RBPMS: variants seen among roughly 807,000 people sequenced by gnomAD.
The protein encoded by RBPMS is RNA binding protein, mRNA processing factor.
Under a neutral mutation model 26.8 loss-of-function variants are expected in RBPMS, and 7 were observed. The observed-to-expected ratio is 0.26, with a 90% CI of 0.15 to 0.49. The LOEUF (loss-of-function observed/expected upper bound fraction) is 0.49, where lower values mean the gene tolerates loss of function less well. Among genes scored for constraint, RBPMS ranks in the 20% least tolerant of loss-of-function variants. The pLI, the probability that RBPMS is intolerant of heterozygous loss-of-function variation, is 0.98. For synonymous variants in RBPMS, 96 were observed against 93.3 expected (o/e 1.03, Z -0.17); for missense variants, 186 against 250.0 (o/e 0.74, Z 1.73).
intron 5 of RBPMS, among the ~76,000 whole-genome samples, chr8:30,516,533 A>G (rs1585730900): frequency 6.6e-6 from 1 of 152,006 alleles, no homozygotes; most frequent in East Asian, 1.9e-4. Context: ...TTCATATAGT[A>G]CCTCCTTGGG....
At position 30,526,315 on chromosome 8, in the gene RBPMS, T is replaced by C. The variant is rs189263994; in HGVS notation, c.398-18179T>C. 5.3e-4 allele frequency among the ~76,000 whole-genome samples: 81 copies of C among 152,354 alleles called. 1 individual carries two copies. Among genetic ancestry groups the C allele is most frequent in the African/African-American group, 1.8e-3 (75 of 41,580 alleles). Reference sequence around the variant, plus strand: ...TTTAATCCCTTTACAAATTAGCTGCTTGTCCTTCAGAAGTCACCTTAACCA... The same window carrying C: ...TTTAATCCCTTTACAAATTAGCTGCCTGTCCTTCAGAAGTCACCTTAACCA... On this transcript the variant is annotated intron_variant, in intron 5 of 8. Coordinates refer to ENST00000397323, the MANE Select transcript of RBPMS (RefSeq NM_001008710.3).
intron 5 of RBPMS, among the ~76,000 whole-genome samples, chr8:30,540,865 A>T (rs1246026297): frequency 6.6e-6 from 1 of 152,218 alleles, no homozygotes. Flanking sequence ...CCTTGATGAA[A>T]GAATGAATGA....
At chr8:30,557,862 TTTTTG>T (rs1243313029) in intron 6 of RBPMS, among the ~76,000 whole-genome samples, 4 of 152,132 alleles carry the variant, frequency 2.6e-5, no homozygotes, top group South Asian at 4.1e-4. Context: ...TTTTGGGTGT[TTTTTG>T]TTTTGTTTCT....
intron 1 of RBPMS, among the ~76,000 whole-genome samples, chr8:30,451,529 A>G (rs1563331493): frequency 6.6e-6 from 1 of 152,138 alleles, no homozygotes; most frequent in African/African-American, 2.4e-5. Context: ...TATTATCTCC[A>G]CTGTCCCCTG....
chr8:30,413,613 C>T (rs1809711257), intron 1 of RBPMS, among the ~76,000 whole-genome samples: 1 of 151,848 alleles, frequency 6.6e-6, no homozygotes, highest in East Asian at 1.9e-4. Flanking sequence ...AATGTTAGAA[C>T]ATTATTTCTT....
chr8:30,497,602 T>C (rs1820110589), intron 4 of RBPMS, among the ~76,000 whole-genome samples: 1 of 151,802 alleles, frequency 6.6e-6, no homozygotes, highest in African/African-American at 2.4e-5. Flanking sequence ...AAAATGGTTT[T>C]TTTTGTTGTT....
At chr8:30,481,773 C>T (rs1818307039) in intron 4 of RBPMS, among the ~76,000 whole-genome samples, 1 of 152,172 alleles carries the variant, frequency 6.6e-6, no homozygotes, top group Admixed American at 6.5e-5. Context: ...AGGACATTTA[C>T]TGAGCTCCTG....
intron 1 of RBPMS, among the ~76,000 whole-genome samples, chr8:30,425,090 G>C (rs1480674420): frequency 1.3e-5 from 2 of 151,906 alleles, no homozygotes; most frequent in Non-Finnish European, 2.9e-5. Flanking sequence ...CAAGTAGCTG[G>C]GTCTACAGGC....
At chr8:30,388,477 A>G (rs1233699011) in intron 1 of RBPMS, among the ~76,000 whole-genome samples, 1 of 108,982 alleles carries the variant, frequency 9.2e-6, no homozygotes, top group Non-Finnish European at 1.9e-5. Context: ...ACTTATAGCT[A>G]TAGCTATAAG....
chr8:30,547,366 G>C (rs774786072), intron 6 of RBPMS: 10 of 1,613,702 alleles, frequency 6.2e-6, no homozygotes, highest in African/African-American at 5.3e-5. Context: ...TTGTCTCTGG[G>C]AATGTGTTTG....
chr8:30,467,201 C>A (rs902712689), intron 1 of RBPMS, among the ~76,000 whole-genome samples: 2 of 152,182 alleles, frequency 1.3e-5, no homozygotes, highest in African/African-American at 2.4e-5. Context: ...AATGGGAAAT[C>A]CTACCAAGCC....
At position 30,448,418 on chromosome 8, in the gene RBPMS, A is replaced by C. The variant is rs183071913; in HGVS notation, c.67-26361A>C. On this transcript the variant is annotated intron_variant, in intron 1 of 8. Transcript: ENST00000397323. ...TCTTCCTGCCATTGGCTTCAAGATG[A>C]GCTGTCCTGCCTGTTTTCAGTACTA... 1.8e-3 allele frequency among the ~76,000 whole-genome samples: 281 copies of C among 152,280 alleles called. 2 individuals carry two copies. Among genetic ancestry groups the C allele is most frequent in the African/African-American group, 6.5e-3 (270 of 41,554 alleles).
chr8:30,525,264 A>G (rs1248476777), intron 5 of RBPMS, among the ~76,000 whole-genome samples: 2 of 152,242 alleles, frequency 1.3e-5, no homozygotes, highest in Admixed American at 1.3e-4. Flanking sequence ...AGACACAGAT[A>G]TCAACAAATG....
At chr8:30,422,698 T>C (rs1437516416) in intron 1 of RBPMS, among the ~76,000 whole-genome samples, 2 of 152,186 alleles carry the variant, frequency 1.3e-5, no homozygotes, top group African/African-American at 4.8e-5. Context: ...TTTAAATAGA[T>C]ACCTGAGTGT....
chr8:30,441,844 C>T (rs1437051895), intron 1 of RBPMS, among the ~76,000 whole-genome samples: 1 of 152,214 alleles, frequency 6.6e-6, no homozygotes, highest in African/African-American at 2.4e-5. Context: ...CGCTGGAGTT[C>T]AGTGGCACAG....
chr8:30,526,272 C>A (rs1735159452), intron 5 of RBPMS, among the ~76,000 whole-genome samples: 1 of 152,190 alleles, frequency 6.6e-6, no homozygotes, highest in African/African-American at 2.4e-5. Context: ...CTTAGAGAGC[C>A]CAATTTCTGG....
chr8:30,438,228 G>A (rs909295122), intron 1 of RBPMS, among the ~76,000 whole-genome samples: 3 of 152,154 alleles, frequency 2.0e-5, no homozygotes, highest in African/African-American at 7.2e-5. Flanking sequence ...AGACCAGCCC[G>A]AGCAACAGAG....
chr8:30,456,673 G>C (rs969000565), intron 1 of RBPMS, among the ~76,000 whole-genome samples: 12 of 152,140 alleles, frequency 7.9e-5, no homozygotes, highest in South Asian at 4.1e-4. Flanking sequence ...AAGAGTGATT[G>C]AGAACCTTTG....
At chr8:30,412,108 T>G (rs10094485) in intron 1 of RBPMS, among the ~76,000 whole-genome samples, 3,775 of 152,290 alleles carry the variant, frequency 0.025, 155 homozygotes, top group African/African-American at 0.086. Flanking sequence ...GTGGTGAACA[T>G]GGTGCCTACT....
Sources: allele counts gnomAD v4.1 joint callset (sites outside exome capture counted in the v4.1 genomes callset), GRCh38; gene constraint gnomAD v4.1.1; transcripts MANE v1.5; gene names NCBI Gene and HGNC (gene_info 2026-07-23, HGNC 2026-07-21).